The following FBXL13 variants were observed in gnomAD, a reference collection of about 807,000 sequenced individuals.
The protein encoded by FBXL13 is F-box and leucine-rich repeat protein 13.
FBXL13 carries 67 observed loss-of-function variants against 83.6 expected under a neutral mutation model. The ratio of observed to expected loss-of-function variants is 0.80; its 90% confidence interval spans 0.66 to 0.98. FBXL13 has a LOEUF of 0.98. FBXL13 is among the 50% of genes least tolerant of loss of function. FBXL13 has a pLI of 0.00. For missense variants in FBXL13, 822 were observed against 866.5 expected, an observed-to-expected ratio of 0.95 and a Z score of 0.64; for synonymous variants, 272 against 299.5, an observed-to-expected ratio of 0.91 and a Z score of 0.95.
At chr7:102,902,412 T>C (rs558940166) in intron 11 of FBXL13, among the ~76,000 whole-genome samples, 1 of 152,328 alleles carries the variant, frequency 6.6e-6, no homozygotes, top group South Asian at 2.1e-4. Context: ...TTGTATCCTT[T>C]GCTGTGCAGA....
chr7:102,847,060 T>C (rs2129450222), intron 17 of FBXL13, among the ~76,000 whole-genome samples: 1 of 152,300 alleles, frequency 6.6e-6, no homozygotes, highest in Middle Eastern at 3.4e-3. Flanking sequence ...ATAAATAAAG[T>C]TTTATTGGAA....
chr7:102,899,499 C>T (rs1407217376), intron 11 of FBXL13, among the ~76,000 whole-genome samples: 3 of 152,170 alleles, frequency 2.0e-5, no homozygotes, highest in Non-Finnish European at 4.4e-5. Context: ...ACAAAGTGGC[C>T]TAGACCTATA....
At chr7:102,856,243 T>C (rs1361778898) in intron 16 of FBXL13, among the ~76,000 whole-genome samples, 1 of 152,254 alleles carries the variant, frequency 6.6e-6, no homozygotes, top group Non-Finnish European at 1.5e-5. Context: ...AGCCATCACA[T>C]GTGGTCTGGG....
chr7:103,008,348 C>G (rs924675399), intron 6 of FBXL13, among the ~76,000 whole-genome samples: 1 of 152,106 alleles, frequency 6.6e-6, no homozygotes, highest in Non-Finnish European at 1.5e-5. Context: ...TTTGGGACAA[C>G]TGAAGACACC....
intron 6 of FBXL13, chr7:102,973,780 C>T (rs1357734428): frequency 1.3e-6 from 1 of 758,606 alleles, no homozygotes; most frequent in South Asian, 1.4e-5. Context: ...TGGTAAGTTT[C>T]CCGGGAGCCC....
At chr7:102,906,882 C>T (rs1280634498) in intron 11 of FBXL13, among the ~76,000 whole-genome samples, 1 of 152,064 alleles carries the variant, frequency 6.6e-6, no homozygotes, top group Non-Finnish European at 1.5e-5. Context: ...TGGATATTTA[C>T]ATCTTTCTCT....
At chr7:102,981,468 T>A (rs543001235) in intron 6 of FBXL13, among the ~76,000 whole-genome samples, 2 of 152,222 alleles carry the variant, frequency 1.3e-5, no homozygotes, top group Admixed American at 1.3e-4. Context: ...ACAGACTTGT[T>A]CTCAAAGAAG....
At chr7:103,024,857 A>ATTTTT (rs1209398568) in intron 6 of FBXL13, among the ~76,000 whole-genome samples, 24 of 62,842 alleles carry the variant, frequency 3.8e-4, no homozygotes, top group African/African-American at 1.2e-3. Flanking sequence ...ATATATATAT[A>ATTTTT]TTTTTTTTTT....
At chr7:102,967,982 G>T in intron 7 of FBXL13, 40 bp downstream of exon 8, 2 of 1,478,234 alleles carry the variant, frequency 1.4e-6, no homozygotes, top group South Asian at 1.1e-5. Flanking sequence ...TCTCCTTTAA[G>T]AACTAGTGTA....
chr7:102,895,678 T>C (rs1812165424), intron 11 of FBXL13, among the ~76,000 whole-genome samples: 1 of 151,714 alleles, frequency 6.6e-6, no homozygotes, highest in Admixed American at 6.6e-5. Context: ...CATGATAATG[T>C]CAATGGGAGA....
At chr7:102,854,507 A>G (rs1182249482) in intron 17 of FBXL13, among the ~76,000 whole-genome samples, 2 of 152,216 alleles carry the variant, frequency 1.3e-5, no homozygotes, top group Non-Finnish European at 2.9e-5. Flanking sequence ...TGTACCCTAA[A>G]ACTTAAAGTA....
chr7:103,046,242 A>C (rs1796260860), intron 2 of FBXL13, among the ~76,000 whole-genome samples: 3 of 152,234 alleles, frequency 2.0e-5, no homozygotes, highest in Admixed American at 2.0e-4. Context: ...CAGAAGCTGC[A>C]CAGGTACTTT....
intron 2 of FBXL13, chr7:103,047,025 T>G (rs1012140822): frequency 6.6e-6 from 1 of 152,198 alleles, no homozygotes; most frequent in African/African-American, 2.4e-5. Context: ...CTTTACCTGG[T>G]GAAAATATAC....
At chr7:102,838,799 G>A (rs1411627265) in intron 17 of FBXL13, among the ~76,000 whole-genome samples, 2 of 152,134 alleles carry the variant, frequency 1.3e-5, no homozygotes, top group African/African-American at 4.8e-5. Context: ...ACAATGCACT[G>A]CAGAAAGCCA....
intron 8 of FBXL13, among the ~76,000 whole-genome samples, chr7:102,939,163 T>C (rs1820902234): frequency 6.6e-6 from 1 of 152,240 alleles, no homozygotes; most frequent in South Asian, 2.1e-4. Flanking sequence ...GTGACAAGGA[T>C]GACCTACAGG....
chr7:102,973,261 C>T (rs992001245), intron 6 of FBXL13: 2 of 388,070 alleles, frequency 5.2e-6, no homozygotes, highest in Non-Finnish European at 9.4e-6. Context: ...TAACTCCTCT[C>T]TTCTCAGGCC....
chr7:102,915,122 A>ATTTT (rs386410852), intron 10 of FBXL13, among the ~76,000 whole-genome samples: 73 of 128,096 alleles, frequency 5.7e-4, no homozygotes, highest in African/African-American at 2.0e-3. Flanking sequence ...AGATTAAAAT[A>ATTTT]TTTTTTTTTT....
chr7:103,071,727 G>C (rs1367060126), intron 1 of FBXL13, among the ~76,000 whole-genome samples: 4 of 152,058 alleles, frequency 2.6e-5, no homozygotes, highest in Non-Finnish European at 5.9e-5. Context: ...CTATTCAAGA[G>C]ATTTGCAGGA....
At chr7:102,838,370 G>A (rs935907314) in intron 17 of FBXL13, among the ~76,000 whole-genome samples, 4 of 152,086 alleles carry the variant, frequency 2.6e-5, no homozygotes, top group African/African-American at 9.7e-5. Flanking sequence ...TCAGTAGATA[G>A]TAGCTAGTAT....
Sources: allele counts gnomAD v4.1 joint callset (sites outside exome capture counted in the v4.1 genomes callset), GRCh38; gene constraint gnomAD v4.1.1; transcripts MANE v1.5; gene names NCBI Gene and HGNC (gene_info 2026-07-23, HGNC 2026-07-21).